The following ERI3 variants were observed in gnomAD, a reference collection of about 807,000 sequenced individuals.
ERI3 encodes the protein ERI1 exoribonuclease 3.
ERI3 carries 18 observed loss-of-function variants against 44.4 expected under a neutral mutation model. The ratio of observed to expected loss-of-function variants is 0.41; its 90% CI spans 0.28 to 0.60. ERI3 has a LOEUF of 0.60. Ranked by LOEUF, ERI3 falls within the 20% of genes least tolerant of loss-of-function variation. The probability of loss-of-function intolerance (pLI) is 0.36; values close to 1 mark genes in which losing one functional copy is unlikely to be tolerated. For missense variants in ERI3, 294 were observed against 435.5 expected (o/e 0.68, Z 2.89); for synonymous variants, 183 against 164.8 (o/e 1.11, Z -0.84).
At position 44,342,840 on chromosome 1, in the gene ERI3, T is replaced by TAA. The variant is rs1646699706; in HGVS notation, c.212-3519_212-3518insTT. On this transcript the variant is annotated intron_variant, in intron 2 of 8. Coordinates refer to ENST00000372257, the MANE Select transcript of ERI3 (RefSeq NM_024066.3). The stretch of plus-strand genomic sequence containing the variant: ...ATATATATATATATATATATATATA[T>TAA]ATATATATATATATATATTTTTTTT... Among the ~76,000 whole-genome samples, 9 of 30,626 alleles carry TAA rather than the reference T, an allele frequency of 2.9e-4. 1 individual carries two copies. The highest frequency in any genetic ancestry group is 1.9e-3 in the South Asian group (2 of 1,048). 20.1% of individuals were successfully genotyped at this position (30,626 alleles called of 152,430 possible).
chr1:44,288,543 G>A (rs1572194653), intron 6 of ERI3, among the ~76,000 whole-genome samples: 1 of 152,134 alleles, frequency 6.6e-6, no homozygotes, highest in African/African-American at 2.4e-5. Context: ...GAGGAAGGTG[G>A]GTTAGAGTGG....
At chr1:44,261,279 G>A (rs1051727157) in intron 7 of ERI3, among the ~76,000 whole-genome samples, 3 of 152,284 alleles carry the variant, frequency 2.0e-5, no homozygotes, top group South Asian at 2.1e-4. Flanking sequence ...AGCGGGCAGG[G>A]CGCACAGCGC....
intron 1 of ERI3, chr1:44,354,679 T>C (rs1187214564): frequency 3.2e-5 from 32 of 985,282 alleles, no homozygotes; most frequent in Non-Finnish European, 3.6e-5. Flanking sequence ...GTAATCCCAG[T>C]AAGTCAACCC....
At position 44,355,186 on chromosome 1, in the gene ERI3, C is replaced by T; in HGVS notation, c.-160G>A. The T allele has an allele frequency of 1.7e-6, 2 of 1,202,028 alleles. No homozygotes were observed. Among genetic ancestry groups the T allele is most frequent in the African/African-American group, 1.6e-5 (1 of 63,268 alleles). 74.5% of individuals were successfully genotyped at this position (1,202,028 alleles called of 1,614,324 possible). On this transcript the variant is annotated 5_prime_UTR_variant, in exon 1 of 9. Coordinates refer to ENST00000372257, the MANE Select transcript of ERI3 (RefSeq NM_024066.3). ...AGGCAGAGGCAGGGCCAGCTCCGCC[C>T]GCTCCCCACCGCCCGTTCCCGGCCG...
rs1644273767 is a variant in ERI3 at position 44,235,090 on chromosome 1, CCAG to C, written c.931+12846_931+12848del. ...GAGTCAAAAATTAAAACCACCACCA[CCAG>C]CACCACTTCCAGTGGCTCCTCACTG... On this transcript the variant is annotated intron_variant, in intron 8 of 8. Transcript: ENST00000372257. This position sits in a 1 kb window ranked among gnomAD's most constrained non-coding sequence, Gnocchi z 4.6. 1.3e-5 allele frequency among the ~76,000 whole-genome samples: 2 copies of C among 152,316 alleles called. No individual in the cohort carries two copies. Among genetic ancestry groups the C allele is most frequent in the Non-Finnish European group, 2.9e-5 (2 of 68,020 alleles).
At chr1:44,313,253 T>C (rs761178591) in intron 4 of ERI3, 25 bp from the exon 5 acceptor site, 2 of 1,612,712 alleles carry the variant, frequency 1.2e-6, no homozygotes, top group Non-Finnish European at 1.7e-6. Context: ...AAATAGCCGA[T>C]GGGTAGAAAA....
chr1:44,223,170 G>A (rs1019719079), intron 8 of ERI3, among the ~76,000 whole-genome samples: 2 of 152,220 alleles, frequency 1.3e-5, no homozygotes, highest in African/African-American at 4.8e-5. Context: ...AGGCAGAACA[G>A]TGGAAAGACA....
intron 4 of ERI3, among the ~76,000 whole-genome samples, chr1:44,315,937 A>G (rs1454770710): frequency 6.6e-6 from 1 of 151,110 alleles, no homozygotes; most frequent in African/African-American, 2.4e-5. Flanking sequence ...GGACTGCTTG[A>G]GCCCAAGAAT....
chr1:44,303,480 A>C (rs917646710), intron 6 of ERI3, among the ~76,000 whole-genome samples: 1 of 152,234 alleles, frequency 6.6e-6, no homozygotes, highest in African/African-American at 2.4e-5. Context: ...CTATGTGTCA[A>C]GCCTTGTCCT....
intron 6 of ERI3, among the ~76,000 whole-genome samples, chr1:44,300,853 C>G (rs1013688492): frequency 6.6e-6 from 1 of 152,164 alleles, no homozygotes; most frequent in Admixed American, 6.5e-5. Context: ...GTCAGGCTAA[C>G]GAGGCTACCC....
At chr1:44,281,105 T>C (rs1163652083) in intron 7 of ERI3, among the ~76,000 whole-genome samples, 1 of 152,210 alleles carries the variant, frequency 6.6e-6, no homozygotes, top group African/African-American at 2.4e-5. Flanking sequence ...TCTTCAGGTC[T>C]CAGCTTAGAC....
chr1:44,299,911 G>C (rs1243062018), intron 6 of ERI3, among the ~76,000 whole-genome samples: 1 of 152,104 alleles, frequency 6.6e-6, no homozygotes, highest in Non-Finnish European at 1.5e-5. Context: ...GACTTCCAAA[G>C]ACTGCCCTGA....
chr1:44,250,908 G>A (rs1000179893), intron 7 of ERI3, among the ~76,000 whole-genome samples: 9 of 152,268 alleles, frequency 5.9e-5, no homozygotes, highest in African/African-American at 1.2e-4. Flanking sequence ...GGGCTCTCCC[G>A]CTGTTGGCCC....
intron 3 of ERI3, among the ~76,000 whole-genome samples, chr1:44,326,459 A>G (rs1171610013): frequency 6.6e-6 from 1 of 152,238 alleles, no homozygotes; most frequent in African/African-American, 2.4e-5. Flanking sequence ...TCTTAAACAA[A>G]CACTCGTGGT....
chr1:44,248,601 T>A (rs1356824900), intron 7 of ERI3, among the ~76,000 whole-genome samples: 1 of 152,058 alleles, frequency 6.6e-6, no homozygotes, highest in African/African-American at 2.4e-5. Flanking sequence ...GGGAGCTTTG[T>A]GGTGGCTCAA....
At chr1:44,285,868 G>A (rs758116541) in intron 6 of ERI3, among the ~76,000 whole-genome samples, 20 of 152,230 alleles carry the variant, frequency 1.3e-4, no homozygotes, top group Non-Finnish European at 2.5e-4. Flanking sequence ...TAAGAGAAGA[G>A]CTTTGCTACA....
chr1:44,232,487 T>C (rs1394288240), intron 8 of ERI3, among the ~76,000 whole-genome samples: 1 of 152,228 alleles, frequency 6.6e-6, no homozygotes, highest in Non-Finnish European at 1.5e-5. Context: ...GCTTGCAATA[T>C]AAGTTGACTA....
At chr1:44,309,842 G>A (rs185133871) in intron 5 of ERI3, among the ~76,000 whole-genome samples, 1 of 151,976 alleles carries the variant, frequency 6.6e-6, no homozygotes, top group African/African-American at 2.4e-5. Context: ...GGATTACAGG[G>A]GTAAGCCACC....
At chr1:44,248,878 C>G (rs946798927) in intron 7 of ERI3, among the ~76,000 whole-genome samples, 1 of 152,018 alleles carries the variant, frequency 6.6e-6, no homozygotes, top group African/African-American at 2.4e-5. Context: ...ACTCCATTGC[C>G]CCCCCTCCAT....
Sources: gnomAD v4.1 joint callset for allele counts (sites outside exome capture counted in the v4.1 genomes callset) on GRCh38, gnomAD v4.1.1 for gene constraint, Gnocchi (gnomAD v3.1) non-coding constraint, MANE v1.5 for transcripts, NCBI Gene and HGNC (gene_info 2026-07-23, HGNC 2026-07-21) for gene names.